RBFOX1: variants seen among roughly 807,000 people sequenced by gnomAD.
RBFOX1 encodes the protein RNA binding protein fox-1 homolog 1.
In RBFOX1, 8 loss-of-function variants were observed where a neutral mutation model predicts 57.7. That is an observed-to-expected ratio of 0.14 (90% CI 0.08 to 0.25). The LOEUF is 0.25. Among genes scored for constraint, RBFOX1 ranks in the 10% least tolerant of loss-of-function variants. The pLI, the probability that RBFOX1 is intolerant of heterozygous loss-of-function variation, is 1.00. For missense variants in RBFOX1, 611 were observed against 548.5 expected (o/e 1.11, Z -1.14); for synonymous variants, 326 against 222.4 (o/e 1.47, Z -4.15).
At chr16:5,905,305 G>A (rs939230843) in intron 4 of RBFOX1, among the ~76,000 whole-genome samples, 4 of 151,818 alleles carry the variant, frequency 2.6e-5, no homozygotes, top group South Asian at 2.1e-4. Flanking sequence ...CACCCGCCTC[G>A]GCCTCCCAAA....
chr16:6,356,237 G>A (rs973411950), intron 2 of RBFOX1, among the ~76,000 whole-genome samples: 1 of 152,156 alleles, frequency 6.6e-6, no homozygotes, highest in Non-Finnish European at 1.5e-5. Context: ...ACAGCATGGA[G>A]AAGGGAAGGA....
chr16:7,191,444 A>G (rs1261164933), intron 4 of RBFOX1, among the ~76,000 whole-genome samples: 1 of 152,198 alleles, frequency 6.6e-6, no homozygotes, highest in Non-Finnish European at 1.5e-5. Flanking sequence ...GGCTTGTAAC[A>G]CATCATTTAA....
intron 1 of RBFOX1, among the ~76,000 whole-genome samples, chr16:5,299,004 C>T (rs776881465): frequency 7.3e-6 from 1 of 137,886 alleles, no homozygotes; most frequent in Non-Finnish European, 1.5e-5. Context: ...GACTTGCATA[C>T]ACCCACACAA....
At chr16:7,255,631 G>A (rs2094646603) in intron 4 of RBFOX1, among the ~76,000 whole-genome samples, 2 of 152,086 alleles carry the variant, frequency 1.3e-5, no homozygotes, top group African/African-American at 4.8e-5. Flanking sequence ...GACCAGCACT[G>A]TTCAGTAGAA....
intron 4 of RBFOX1, among the ~76,000 whole-genome samples, chr16:7,318,342 A>T (rs2096483064): frequency 6.6e-6 from 1 of 150,894 alleles, no homozygotes; most frequent in African/African-American, 2.4e-5. Flanking sequence ...GACAGTGCTG[A>T]TGGTGGTAGT....
At chr16:7,091,820 G>C (rs758417318) in intron 4 of RBFOX1, among the ~76,000 whole-genome samples, 6 of 152,180 alleles carry the variant, frequency 3.9e-5, no homozygotes, top group Non-Finnish European at 5.9e-5. Context: ...ACTGAGTATA[G>C]AGATGGCCTG....
intron 1 of RBFOX1, among the ~76,000 whole-genome samples, chr16:6,188,325 A>G (rs1339708083): frequency 6.6e-6 from 1 of 151,196 alleles, no homozygotes; most frequent in Admixed American, 6.6e-5. Context: ...CTAAGTTTTT[A>G]CCATGAGAAA....
At chr16:5,708,634 C>G (rs1013238688) in intron 3 of RBFOX1, among the ~76,000 whole-genome samples, 1 of 152,178 alleles carries the variant, frequency 6.6e-6, no homozygotes, top group African/African-American at 2.4e-5. Context: ...TTCATAGATT[C>G]TCCCCCTAAT....
At chr16:7,194,704 G>T (rs1440496550) in intron 4 of RBFOX1, among the ~76,000 whole-genome samples, 1 of 152,170 alleles carries the variant, frequency 6.6e-6, no homozygotes, top group Non-Finnish European at 1.5e-5. Flanking sequence ...GAGGTGGGTG[G>T]ATTGCCTGAG....
In RBFOX1 at chr16:5,586,513, G is replaced by A. The variant is rs187869525; in HGVS notation, c.259-12389G>A. 1.4e-4 allele frequency among the ~76,000 whole-genome samples: 21 copies of A among 152,106 alleles called. No individual in the cohort carries two copies. The East Asian group carries it at 1.9e-3, about 14-fold the overall frequency. On this transcript the variant is annotated intron_variant, in intron 2 of 2. Coordinates refer to the RBFOX1 transcript ENST00000585867. ...CCTAATTTTATTTGTTCATTCATTC[G>A]TTCAAGACAGGTTTCACTCTGTCTC...
chr16:7,163,523 T>C (rs888063787), intron 4 of RBFOX1, among the ~76,000 whole-genome samples: 1 of 152,166 alleles, frequency 6.6e-6, no homozygotes, highest in Non-Finnish European at 1.5e-5. Context: ...TAGCACTCCC[T>C]TTAACATCAG....
chr16:7,173,732 A>G (rs1242215868), intron 4 of RBFOX1, among the ~76,000 whole-genome samples: 2 of 152,224 alleles, frequency 1.3e-5, no homozygotes, highest in East Asian at 1.9e-4. Context: ...AAAGAAACTA[A>G]TTCCATAGGC....
chr16:7,503,616 T>C (rs1254321153), intron 4 of RBFOX1, among the ~76,000 whole-genome samples: 1 of 152,170 alleles, frequency 6.6e-6, no homozygotes, highest in African/African-American at 2.4e-5. Flanking sequence ...GCAAGAACTT[T>C]TCCCCCTTTA....
At chr16:7,648,461 G>T (rs1568271987) in intron 11 of RBFOX1, among the ~76,000 whole-genome samples, 1 of 152,100 alleles carries the variant, frequency 6.6e-6, no homozygotes, top group Admixed American at 6.5e-5. Flanking sequence ...TTGACCTTGT[G>T]ATCTGCCCAC....
chr16:5,994,017 CT>C (rs1340317748), intron 4 of RBFOX1, among the ~76,000 whole-genome samples: 3 of 152,138 alleles, frequency 2.0e-5, no homozygotes, highest in Non-Finnish European at 4.4e-5. Context: ...TTGAGGAGTC[CT>C]TTCCTAACTC....
intron 3 of RBFOX1, among the ~76,000 whole-genome samples, chr16:5,736,958 C>T (rs1163182345): frequency 6.6e-6 from 1 of 150,400 alleles, no homozygotes; most frequent in Admixed American, 6.6e-5. Flanking sequence ...CTTTCCTGGC[C>T]CCCTCTCACT....
At chr16:6,810,811 T>C (rs2088330364) in intron 3 of RBFOX1, among the ~76,000 whole-genome samples, 1 of 152,090 alleles carries the variant, frequency 6.6e-6, no homozygotes, top group Non-Finnish European at 1.5e-5. Flanking sequence ...AGTCACTCAC[T>C]ATCAGGAGAA....
At chr16:5,580,371 C>T (rs1262632559) in intron 2 of RBFOX1, among the ~76,000 whole-genome samples, 1 of 152,218 alleles carries the variant, frequency 6.6e-6, no homozygotes, top group Non-Finnish European at 1.5e-5. Context: ...GCGTGGGTCT[C>T]AGCCTGGCAC....
intron 4 of RBFOX1, among the ~76,000 whole-genome samples, chr16:7,074,142 T>A (rs950460720): frequency 1.3e-5 from 2 of 152,138 alleles, no homozygotes; most frequent in African/African-American, 2.4e-5. Flanking sequence ...GTCCACTGAT[T>A]AGGAGAAAAA....
Sources: gnomAD v4.1 joint callset for allele counts (sites outside exome capture counted in the v4.1 genomes callset) on GRCh38, gnomAD v4.1.1 for gene constraint, MANE v1.5 for transcripts, NCBI Gene and HGNC (gene_info 2026-07-23, HGNC 2026-07-21) for gene names.